Variants in ZNF799 observed in about 807,000 individuals in gnomAD.
ZNF799 encodes zinc finger protein 799.
In ZNF799, 28 loss-of-function variants were observed where a neutral mutation model predicts 41.0. That is an observed-to-expected ratio of 0.68 (90% CI 0.51 to 0.94). ZNF799 has a LOEUF of 0.94. Among genes scored for constraint, ZNF799 ranks in the 40% least tolerant of loss-of-function variants. ZNF799 has a pLI of 0.00. For missense variants in ZNF799, 716 were observed against 764.3 expected (o/e 0.94, Z 0.74); for synonymous variants, 213 against 252.9 (o/e 0.84, Z 1.50).
the ZNF799 span, among the ~76,000 whole-genome samples, chr19:12,410,933 A>C: frequency 6.6e-6 from 1 of 152,222 alleles, no homozygotes; most frequent in South Asian, 2.1e-4. Flanking sequence ...ACTAAATAAC[A>C]AATGTCCCAA....
the ZNF799 span, among the ~76,000 whole-genome samples, chr19:12,410,833 G>A: frequency 0.33 from 50,645 of 151,896 alleles, 9,006 homozygotes; most frequent in South Asian, 0.51. Flanking sequence ...ACATGAATGG[G>A]CCAATTCCCT....
At position 12,401,181 on chromosome 19, in the gene ZNF799, G is replaced by A; in HGVS notation, c.-111C>T. On this transcript the variant is annotated 5_prime_UTR_variant, in exon 1 of 4. Coordinates refer to ENST00000430385, the MANE Select transcript of ZNF799 (RefSeq NM_001080821.3). The stretch of plus-strand genomic sequence containing the variant: ...TTCCAGGTCGTCTCTTAGCTACAGA[G>A]CCGAGCACCGAGCGCCCAGCGCAGG... 2.5e-6 allele frequency: 4 copies of A among 1,590,818 alleles called. No homozygotes were observed. The highest frequency in any genetic ancestry group is 3.4e-6 in the Non-Finnish European group (4 of 1,169,946).
the ZNF799 span, among the ~76,000 whole-genome samples, chr19:12,409,225 A>G: frequency 6.6e-6 from 1 of 152,144 alleles, no homozygotes; most frequent in Non-Finnish European, 1.5e-5. Context: ...TTGCATGTGC[A>G]GTTCACAACA....
At chr19:12,407,157 G>GAA in the ZNF799 span, among the ~76,000 whole-genome samples, 1 of 152,004 alleles carries the variant, frequency 6.6e-6, no homozygotes, top group African/African-American at 2.4e-5. Context: ...TCAGAGTGAA[G>GAA]AAAAAGGATA....
chr19:12,399,951 C>T (rs1422784472), intron 1 of ZNF799, among the ~76,000 whole-genome samples: 4 of 152,108 alleles, frequency 2.6e-5, no homozygotes, highest in African/African-American at 7.2e-5. Flanking sequence ...TGTTCAGGAA[C>T]CCAAAATAAT....
the ZNF799 span, among the ~76,000 whole-genome samples, chr19:12,407,948 G>A: frequency 6.6e-6 from 1 of 152,134 alleles, no homozygotes; most frequent in Non-Finnish European, 1.5e-5. Flanking sequence ...CTTGAGCCCA[G>A]AAGTTCAAGA....
In ZNF799 at chr19:12,390,967, C is replaced by T. The variant is rs199582047; in HGVS notation, c.1431G>A (p.Glu477=). 5.0e-6 allele frequency: 8 copies of T among 1,614,002 alleles called. No homozygotes were observed. Among genetic ancestry groups the T allele is most frequent in the Non-Finnish European group, 5.9e-6 (7 of 1,179,974 alleles). ...KTTHAGEKPY[E]CKECGKAFSC... ...TGAATGCTTTCCCACATTCCTTACA[C>T]TCATATGGCTTCTCTCCAGCATGAG... The change falls in exon 4 of 4, where the codon GAG becomes GAA. Residue 477 remains glutamate (E), a synonymous_variant. Coordinates refer to ENST00000430385, the MANE Select transcript of ZNF799 (RefSeq NM_001080821.3).
intron 2 of ZNF799, 40 bp from the exon 3 acceptor site, chr19:12,392,703 A>G (rs369222737): frequency 4.1e-5 from 62 of 1,494,046 alleles, no homozygotes; most frequent in South Asian, 3.9e-4. Flanking sequence ...AAATTTTTAC[A>G]AAATTATAGA....
chr19:12,396,518 G>A (rs1277905924), intron 1 of ZNF799, among the ~76,000 whole-genome samples: 1 of 152,032 alleles, frequency 6.6e-6, no homozygotes, highest in East Asian at 1.9e-4. Flanking sequence ...GCATGGTGGT[G>A]CACGCCTGTA....
rs758504028 is a variant in ZNF799 at position 12,391,986 on chromosome 19, C to T, written c.412G>A (p.Glu138Lys). ...CGTTGTTTATGCGTATCTGGCTTCTCTCCACATTCATGATACTCATATGGT... is the reference window on the plus strand; with the variant it reads ...CGTTGTTTATGCGTATCTGGCTTCTTTCCACATTCATGATACTCATATGGT... The part of the protein sequence containing the change: ...HKPYEYHECG[E>K]KPDTHKQRGK... Residue 138 changes from glutamate to lysine, a missense_variant, in exon 4 of 4, where the codon GAG (glutamate) becomes AAG (lysine). Physicochemically the swap from Glu to Lys is moderately conservative, Grantham distance 56. Coordinates refer to ENST00000430385, the MANE Select transcript of ZNF799 (RefSeq NM_001080821.3). 1.2e-6 allele frequency: 2 copies of T among 1,614,226 alleles called. No homozygotes were observed. Among genetic ancestry groups the T allele is most frequent in the Non-Finnish European group, 1.7e-6 (2 of 1,180,028 alleles).
the ZNF799 span, among the ~76,000 whole-genome samples, chr19:12,412,078 C>T: frequency 6.6e-6 from 1 of 152,174 alleles, no homozygotes; most frequent in African/African-American, 2.4e-5. Context: ...TATGGGACAG[C>T]TAAATACAAC....
chr19:12,407,270 C>A, the ZNF799 span, among the ~76,000 whole-genome samples: 1 of 151,994 alleles, frequency 6.6e-6, no homozygotes, highest in Non-Finnish European at 1.5e-5. Context: ...TCAAGGCCAG[C>A]CTGGGCAACA....
intron 3 of ZNF799, 48 bp downstream of exon 3, chr19:12,392,555 C>A: frequency 6.8e-7 from 1 of 1,479,436 alleles, no homozygotes; most frequent in South Asian, 1.2e-5. Flanking sequence ...TCATATCATT[C>A]TCAGAACGGC....
At chr19:12,401,933 T>G (rs967109901), upstream of ZNF799, among the ~76,000 whole-genome samples, 10 of 152,220 alleles carry the variant, frequency 6.6e-5, no homozygotes, top group Admixed American at 5.9e-4. Context: ...ATTAAATTAT[T>G]TTTTACTATA....
chr19:12,401,246 T>G lies in ZNF799; in HGVS notation c.-176A>C, dbSNP rs1000836911. 5.4e-5 allele frequency: 77 copies of G among 1,417,188 alleles called. No homozygotes were observed. The highest frequency in any genetic ancestry group is 1.9e-4 in the Middle Eastern group (1 of 5,292). 87.8% of individuals were successfully genotyped at this position (1,417,188 alleles called of 1,614,324 possible). A position where few individuals can be genotyped will look rare whatever the true frequency, so the allele number is the denominator to read the frequency against. Reference sequence around the variant, plus strand: ...GCCGCGGGCTTTTTCAACCACACACTCCTCTGGGAAGCGCGCCTGATTGAC... The same window carrying G: ...GCCGCGGGCTTTTTCAACCACACACGCCTCTGGGAAGCGCGCCTGATTGAC... On this transcript the variant is annotated 5_prime_UTR_variant, in exon 1 of 4. Coordinates refer to ENST00000430385, the MANE Select transcript of ZNF799 (RefSeq NM_001080821.3).
intron 1 of ZNF799, among the ~76,000 whole-genome samples, chr19:12,397,564 CA>C (rs1163640631): frequency 0.021 from 1,354 of 65,470 alleles, 8 homozygotes; most frequent in African/African-American, 0.055. Context: ...GACCCTGTCT[CA>C]AAAAAAAAAA....
At position 12,392,226 on chromosome 19, in the gene ZNF799, T is replaced by C; in HGVS notation, c.192-20A>G. 6.5e-7 allele frequency: 1 copy of C among 1,535,544 alleles called. No individual in the cohort carries two copies. Among genetic ancestry groups the C allele is most frequent in the Non-Finnish European group, 8.8e-7 (1 of 1,142,208 alleles). Reference sequence around the variant, plus strand: ...CGACATCTGTAAAAAATGGGAAATATATCACTAAAAGTCGGTCTATAAATA... The same window carrying C: ...CGACATCTGTAAAAAATGGGAAATACATCACTAAAAGTCGGTCTATAAATA... On this transcript the variant is annotated intron_variant, in intron 3 of 3. Transcript: ENST00000430385.
Position 12,391,068 on chromosome 19 carries a change from T to C in ZNF799, c.1330A>G (p.Thr444Ala), listed in dbSNP as rs762599652. ...TTGCATTTATAGGGTTTCTCTCCAG[T>C]ATGAGTTGTTTCATGCCTTCGAAGA... Reference protein sequence around the residue: ...SSLRRHETTHTGEKPYKCKCG... With the variant: ...SSLRRHETTHAGEKPYKCKCG... The change falls in exon 4 of 4, where the codon ACT becomes GCT. Residue 444 changes from threonine to alanine, a missense_variant. Physicochemically the swap from Thr to Ala is moderately conservative, Grantham distance 58. Transcript: ENST00000430385. 2 of 1,614,190 alleles carry C rather than the reference T, an allele frequency of 1.2e-6. No individual in the cohort carries two copies. Among genetic ancestry groups the C allele is most frequent in the Non-Finnish European group, 1.7e-6 (2 of 1,180,020 alleles).
In ZNF799 at chr19:12,398,174, G is replaced by A. The variant is rs201708055; in HGVS notation, c.3+2894C>T. The A allele has an allele frequency of 3.9e-4, 59 of 151,622 alleles. No homozygotes were observed. The East Asian group carries it at 7.2e-3, about 19-fold the overall frequency. The allele number at this position is 151,622 out of a possible 1,614,324, so 9.4% of individuals were successfully genotyped here. On this transcript the variant is annotated intron_variant, in intron 1 of 3. Transcript: ENST00000430385. ...CTCGGGAGGCTGAGGCAGGAGAATC[G>A]CTTGAACGCAGGAGGCGGAGGTTGC...
Sources: allele counts gnomAD v4.1 joint callset (sites outside exome capture counted in the v4.1 genomes callset), GRCh38; gene constraint gnomAD v4.1.1; transcripts MANE v1.5; gene names NCBI Gene and HGNC (gene_info 2026-07-23, HGNC 2026-07-21).